The following UBE3C variants were observed in gnomAD, a reference collection of about 807,000 sequenced individuals.
UBE3C encodes ubiquitin protein ligase E3C, also known as ubiquitin-protein ligase E3C.
A neutral mutation model predicts 129.4 loss-of-function variants in UBE3C; 42 were observed. The observed-to-expected ratio is 0.32, with a 90% CI of 0.25 to 0.42. The LOEUF (loss-of-function observed/expected upper bound fraction) is 0.42, where lower values mean the gene tolerates loss of function less well. Among genes scored for constraint, UBE3C ranks in the 10% least tolerant of loss-of-function variants. The pLI, the probability that UBE3C is intolerant of heterozygous loss-of-function variation, is 1.00. For missense variants in UBE3C, 1,049 were observed against 1,319.1 expected, an observed-to-expected ratio of 0.80 and a Z score of 3.17; for synonymous variants, 510 against 492.4, an observed-to-expected ratio of 1.04 and a Z score of -0.47.
At chr7:157,250,632 A>G (rs1357216198) in intron 19 of UBE3C, among the ~76,000 whole-genome samples, 3 of 152,126 alleles carry the variant, frequency 2.0e-5, no homozygotes, top group Non-Finnish European at 4.4e-5. Context: ...CAAGAGCCAT[A>G]TTTATTTGGT....
chr7:157,256,686 C>G, intron 21 of UBE3C: 1 of 481,658 alleles, frequency 2.1e-6, no homozygotes, highest in East Asian at 3.4e-5. Context: ...AATATAGTGT[C>G]ACAGCCATTT....
At chr7:157,248,847 G>C (rs552065126) in intron 19 of UBE3C, among the ~76,000 whole-genome samples, 1 of 152,270 alleles carries the variant, frequency 6.6e-6, no homozygotes, top group East Asian at 1.9e-4. Flanking sequence ...TGCGGCCCAG[G>C]CTTGCTGCTT....
At chr7:157,265,539 C>T (rs1011913214) in intron 22 of UBE3C, among the ~76,000 whole-genome samples, 3 of 152,166 alleles carry the variant, frequency 2.0e-5, no homozygotes, top group African/African-American at 7.2e-5. Flanking sequence ...GTATTCATTG[C>T]ATCATTTTTT....
intron 22 of UBE3C, among the ~76,000 whole-genome samples, chr7:157,260,017 TG>T (rs1796855742): frequency 6.6e-6 from 1 of 152,328 alleles, no homozygotes; most frequent in East Asian, 1.9e-4. Context: ...CGTTATGTTC[TG>T]GAAGTAATGA....
At chr7:157,153,879 G>A (rs897843889) in intron 1 of UBE3C, among the ~76,000 whole-genome samples, 10 of 151,974 alleles carry the variant, frequency 6.6e-5, no homozygotes, top group Non-Finnish European at 1.5e-4. Flanking sequence ...TGTGGTTTCA[G>A]TTACTCGGGA....
At chr7:157,257,818 G>A (rs1186791754) in intron 22 of UBE3C, among the ~76,000 whole-genome samples, 1 of 148,540 alleles carries the variant, frequency 6.7e-6, no homozygotes, top group African/African-American at 2.5e-5. Context: ...TTAAAATAAA[G>A]CCATATTAAC....
chr7:157,264,681 G>C (rs150716906), intron 22 of UBE3C, among the ~76,000 whole-genome samples: 1 of 152,116 alleles, frequency 6.6e-6, no homozygotes, highest in Admixed American at 6.5e-5. Flanking sequence ...TCTGCCTCCT[G>C]CCTCAGCCTC....
intron 10 of UBE3C, chr7:157,189,104 G>C: frequency 2.4e-6 from 1 of 409,162 alleles, no homozygotes; most frequent in Non-Finnish European, 4.3e-6. Context: ...TATTCATATT[G>C]CATAAAGAAA....
intron 19 of UBE3C, 134 bp downstream of exon 19, chr7:157,248,714 C>T (rs1211601997): frequency 1.0e-5 from 10 of 968,048 alleles, no homozygotes; most frequent in East Asian, 5.0e-5. Flanking sequence ...GTGAGTTAGA[C>T]GTCGAAGCAT....
chr7:157,233,737 G>A (rs1039767188), intron 18 of UBE3C, among the ~76,000 whole-genome samples: 1 of 151,978 alleles, frequency 6.6e-6, no homozygotes, highest in Admixed American at 6.5e-5. Flanking sequence ...GTTTTTCTTG[G>A]GCATATACCT....
chr7:157,146,525 C>T (rs1038704458), intron 1 of UBE3C, among the ~76,000 whole-genome samples: 3 of 152,166 alleles, frequency 2.0e-5, no homozygotes, highest in Admixed American at 6.5e-5. Context: ...CCGGCCTTTA[C>T]GATCTGTTTC....
intron 1 of UBE3C, among the ~76,000 whole-genome samples, chr7:157,141,706 T>C (rs191925417): frequency 6.6e-6 from 1 of 152,316 alleles, no homozygotes; most frequent in Non-Finnish European, 1.5e-5. Context: ...AAGGTGACTG[T>C]CCTTCTGACC....
At chr7:157,223,396 G>A (rs571075732) in intron 16 of UBE3C, 45 bp downstream of exon 16, 2 of 1,522,148 alleles carry the variant, frequency 1.3e-6, no homozygotes, top group African/African-American at 1.4e-5. Context: ...TCATATTAGT[G>A]TTAAGAAATT....
At position 157,267,754 on chromosome 7, in the gene UBE3C, G is replaced by A; in HGVS notation, c.3251G>A (p.Ter1084=). The change falls in exon 23 of 23, where the codon TGA becomes TAA. Residue 1084 remains the stop codon, a stop_retained_variant. Coordinates refer to ENST00000348165, the MANE Select transcript of UBE3C (RefSeq NM_014671.3). ...TGTGCCGCTGGCTTTGAGCTGAGCT[G>A]AAGCTGATGCTGGGGTCAGACCCCT... ...IECAAGFELS[*] The A allele has an allele frequency of 6.3e-7, 1 of 1,599,668 alleles. No individual in the cohort carries two copies. The highest frequency in any genetic ancestry group is 8.5e-7 in the Non-Finnish European group (1 of 1,173,080).
At chr7:157,181,877 C>G (rs775744014) in intron 7 of UBE3C, among the ~76,000 whole-genome samples, 1 of 152,108 alleles carries the variant, frequency 6.6e-6, no homozygotes, top group Non-Finnish European at 1.5e-5. Flanking sequence ...TGGTTATTTT[C>G]CTGCTTTTCT....
At chr7:157,245,314 T>C (rs1796445291) in intron 18 of UBE3C, among the ~76,000 whole-genome samples, 1 of 152,250 alleles carries the variant, frequency 6.6e-6, no homozygotes, top group African/African-American at 2.4e-5. Flanking sequence ...GAACATCAAA[T>C]GATTTACACT....
intron 16 of UBE3C, among the ~76,000 whole-genome samples, chr7:157,223,559 A>G (rs1795795061): frequency 2.0e-5 from 1 of 48,994 alleles, no homozygotes; most frequent in African/African-American, 1.0e-4. Flanking sequence ...CTTAGTTACA[A>G]CTGATTGAAA....
At chr7:157,164,094 A>G (rs1256176504) in intron 2 of UBE3C, among the ~76,000 whole-genome samples, 2 of 152,152 alleles carry the variant, frequency 1.3e-5, no homozygotes, top group Non-Finnish European at 2.9e-5. Flanking sequence ...TGGTTGACTT[A>G]CATAATGATA....
chr7:157,251,589 T>C lies in UBE3C; in HGVS notation c.2695-2365T>C, dbSNP rs556217520. On this transcript the variant is annotated intron_variant, in intron 19 of 22. Coordinates refer to ENST00000348165, the MANE Select transcript of UBE3C (RefSeq NM_014671.3). ...TGAGCTAATGGAAGTAGGTCATGTA[T>C]GGTGGTGTCTTGTGGGGCTTTATGG... Among the ~76,000 whole-genome samples the C allele has an allele frequency of 1.8e-4, 27 of 152,298 alleles. 1 individual carries two copies. In the South Asian group the frequency reaches 5.6e-3, roughly 32 times the overall value.
Sources: gnomAD v4.1 joint callset for allele counts (sites outside exome capture counted in the v4.1 genomes callset) on GRCh38, gnomAD v4.1.1 for gene constraint, MANE v1.5 for transcripts, NCBI Gene and HGNC (gene_info 2026-07-23, HGNC 2026-07-21) for gene names.